Variants in NDST3 observed in about 807,000 individuals in gnomAD.
NDST3 encodes bifunctional heparan sulfate N-deacetylase/N-sulfotransferase 3.
A neutral mutation model predicts 96.1 loss-of-function variants in NDST3; 58 were observed. That is an observed-to-expected ratio of 0.60 (90% confidence interval 0.49 to 0.75). The LOEUF (loss-of-function observed/expected upper bound fraction) is 0.75. Among genes scored for constraint, NDST3 ranks in the 30% least tolerant of loss-of-function variants. NDST3 has a pLI of 0.00. For synonymous variants in NDST3, 333 were observed against 359.7 expected, an observed-to-expected ratio of 0.93 and a Z score of 0.84; for missense variants, 788 against 1,034.2, an observed-to-expected ratio of 0.76 and a Z score of 3.27.
intron 1 of NDST3, among the ~76,000 whole-genome samples, chr4:118,049,732 TAA>T (rs747062730): frequency 1.4e-4 from 18 of 133,254 alleles, no homozygotes; most frequent in East Asian, 1.3e-3. Context: ...GTAATAATAA[TAA>T]AAAAAAAAAA....
chr4:118,088,982 A>G (rs533021797), intron 2 of NDST3, among the ~76,000 whole-genome samples: 13 of 152,036 alleles, frequency 8.6e-5, no homozygotes, highest in African/African-American at 2.6e-4. Flanking sequence ...TGAGTTTCAT[A>G]GTTTCAGGAA....
At chr4:118,100,413 CAT>C (rs1289873103) in intron 2 of NDST3, among the ~76,000 whole-genome samples, 3 of 152,032 alleles carry the variant, frequency 2.0e-5, no homozygotes, top group African/African-American at 7.2e-5. Flanking sequence ...TCCACAACCA[CAT>C]GAGCCAAATC....
intron 6 of NDST3, among the ~76,000 whole-genome samples, chr4:118,185,714 T>C (rs931777079): frequency 6.6e-6 from 1 of 152,112 alleles, no homozygotes. Flanking sequence ...GATTGGTTGG[T>C]TACAGTTCAG....
intron 6 of NDST3, among the ~76,000 whole-genome samples, chr4:118,153,599 G>T (rs538711309): frequency 6.6e-6 from 1 of 152,098 alleles, no homozygotes; most frequent in East Asian, 1.9e-4. Context: ...AAAGCGGGTG[G>T]ATCACCTGAG....
intron 6 of NDST3, among the ~76,000 whole-genome samples, chr4:118,223,992 T>C (rs1265906355): frequency 2.0e-5 from 3 of 152,138 alleles, no homozygotes; most frequent in African/African-American, 7.2e-5. Flanking sequence ...TCAAATTTAT[T>C]TTATTATAAA....
intron 2 of NDST3, among the ~76,000 whole-genome samples, chr4:118,065,719 G>C (rs1726258032): frequency 1.3e-5 from 2 of 151,490 alleles, no homozygotes; most frequent in Non-Finnish European, 2.9e-5. Flanking sequence ...TGCCCTTATT[G>C]TATTGGCCTT....
chr4:118,112,476 G>A (rs1023673575), intron 3 of NDST3, among the ~76,000 whole-genome samples: 4 of 152,150 alleles, frequency 2.6e-5, no homozygotes, highest in African/African-American at 9.7e-5. Flanking sequence ...TGATTTCTGG[G>A]AAACTCCAAG....
chr4:118,055,781 G>A (rs1330710369), intron 2 of NDST3: 1 of 151,794 alleles, frequency 6.6e-6, no homozygotes, highest in Non-Finnish European at 1.5e-5. Flanking sequence ...CCTTTTGGTA[G>A]AATATCTAGA....
In NDST3 at chr4:118,130,785, T is replaced by G. The variant is rs1375728304; in HGVS notation, c.1225-7269T>G. ...TTGATGAAATTCCTCAGCTTTTGTTTGTCTGGGAAAGTCTTTATTTCTCCT... is the reference window on the plus strand; with the variant it reads ...TTGATGAAATTCCTCAGCTTTTGTTGGTCTGGGAAAGTCTTTATTTCTCCT... On this transcript the variant is annotated intron_variant, in intron 4 of 13. Coordinates refer to ENST00000296499, the MANE Select transcript of NDST3 (RefSeq NM_004784.3). 2.0e-5 allele frequency among the ~76,000 whole-genome samples: 3 copies of G among 152,214 alleles called. No individual in the cohort carries two copies. The East Asian group carries it at 5.8e-4, about 29-fold the overall frequency.
intron 7 of NDST3, among the ~76,000 whole-genome samples, chr4:118,225,914 C>G (rs1190565514): frequency 6.6e-6 from 1 of 152,112 alleles, no homozygotes; most frequent in East Asian, 1.9e-4. Flanking sequence ...AATGGAAAGA[C>G]ATGCAATTTT....
intron 6 of NDST3, among the ~76,000 whole-genome samples, chr4:118,166,953 T>C (rs1469662217): frequency 6.6e-6 from 1 of 151,328 alleles, no homozygotes; most frequent in Non-Finnish European, 1.5e-5. Flanking sequence ...TTCTTCATGG[T>C]AAAAACCTGA....
At chr4:118,050,452 A>T (rs1725014539) in intron 1 of NDST3, among the ~76,000 whole-genome samples, 1 of 152,186 alleles carries the variant, frequency 6.6e-6, no homozygotes, top group Non-Finnish European at 1.5e-5. Flanking sequence ...TGATGATATG[A>T]TTCTATACCT....
rs1738602737 is a variant in NDST3 at position 118,208,754 on chromosome 4, G to T, written c.1540-15737G>T. Among the ~76,000 whole-genome samples, 2 of 144,204 alleles carry T rather than the reference G, an allele frequency of 1.4e-5. 1 individual carries two copies. Among genetic ancestry groups the T allele is most frequent in the Non-Finnish European group, 3.1e-5 (2 of 65,104 alleles). The allele number at this position is 144,204 out of a possible 152,430, so 94.6% of individuals were successfully genotyped here. A position where few individuals can be genotyped will look rare whatever the true frequency, so the allele number is the denominator to read the frequency against. ...AACCAAATTAGTACTCTCAAAATTT[G>T]TCAACACTTCACAAACCCCTTCATT... is the stretch of plus-strand genomic sequence containing the variant. On this transcript the variant is annotated intron_variant, in intron 6 of 13. Transcript: ENST00000296499.
chr4:118,237,403 G>T (rs576964180), intron 10 of NDST3, among the ~76,000 whole-genome samples, 183 bp downstream of exon 10: 66 of 152,138 alleles, frequency 4.3e-4, no homozygotes, highest in Non-Finnish European at 2.4e-4. Context: ...CTAAGTTTTT[G>T]TTCTTATTTT....
chr4:118,232,671 A>G (rs1471569003), intron 8 of NDST3, among the ~76,000 whole-genome samples: 1 of 149,466 alleles, frequency 6.7e-6, no homozygotes, highest in Non-Finnish European at 1.5e-5. Context: ...GAAGGAAAGA[A>G]AGAAAAGAAA....
intron 2 of NDST3, among the ~76,000 whole-genome samples, chr4:118,085,274 G>A (rs546947795): frequency 6.1e-4 from 93 of 152,088 alleles, no homozygotes; most frequent in Non-Finnish European, 1.2e-3. Flanking sequence ...TGCTTCTAGC[G>A]CTCTCAAAAA....
intron 6 of NDST3, among the ~76,000 whole-genome samples, chr4:118,146,086 T>C (rs1239997970): frequency 6.6e-6 from 1 of 152,212 alleles, no homozygotes; most frequent in Non-Finnish European, 1.5e-5. Flanking sequence ...ACAAAGTTTG[T>C]ATTGAAACTA....
Position 118,255,575 on chromosome 4 carries a change from C to T in NDST3, c.2503-18C>T, listed in dbSNP as rs772810583. ...TAAACAAAATAAAATGTACTTTTCT[C>T]TCCTCCTCTCCACTTAGAGCAGGAC... On this transcript the variant is annotated intron_variant, in intron 13 of 13. Transcript: ENST00000296499. 9 of 1,593,210 alleles carry T rather than the reference C, an allele frequency of 5.6e-6. No individual in the cohort carries two copies. The Admixed American group carries it at 1.4e-4, about 25-fold the overall frequency.
intron 6 of NDST3, among the ~76,000 whole-genome samples, chr4:118,144,165 G>A (rs947282930): frequency 2.6e-5 from 4 of 151,908 alleles, no homozygotes; most frequent in African/African-American, 9.7e-5. Flanking sequence ...CTGAAGCAGA[G>A]CAGGCCTATT....
Sources: gnomAD v4.1 joint callset for allele counts (sites outside exome capture counted in the v4.1 genomes callset) on GRCh38, gnomAD v4.1.1 for gene constraint, MANE v1.5 for transcripts, NCBI Gene and HGNC (gene_info 2026-07-23, HGNC 2026-07-21) for gene names.